Variants in MAGI2 observed in about 807,000 individuals in gnomAD.
MAGI2 encodes membrane-associated guanylate kinase, WW and PDZ domain-containing protein 2.
Under a neutral mutation model 133.3 loss-of-function variants are expected in MAGI2, and 35 were observed. The ratio of observed to expected loss-of-function variants is 0.26; its 90% CI spans 0.20 to 0.35. The LOEUF (loss-of-function observed/expected upper bound fraction) is 0.35. MAGI2 is among the 10% of genes least tolerant of loss of function. The pLI is 1.00. For missense variants in MAGI2, 1,636 were observed against 1,863.4 expected (o/e 0.88, Z 2.25); for synonymous variants, 729 against 710.6 (o/e 1.03, Z -0.41).
intron 1 of MAGI2, among the ~76,000 whole-genome samples, chr7:79,397,510 G>T (rs575367565): frequency 6.6e-6 from 1 of 151,736 alleles, no homozygotes; most frequent in African/African-American, 2.4e-5. Flanking sequence ...GGAGTTAATG[G>T]GTTACAAAAT....
intron 6 of MAGI2, among the ~76,000 whole-genome samples, chr7:78,428,427 T>C (rs1799488809): frequency 6.6e-6 from 1 of 152,200 alleles, no homozygotes; most frequent in Non-Finnish European, 1.5e-5. Flanking sequence ...GAATTGACCT[T>C]ATTATTAGCT....
rs546084169 is a variant in MAGI2, at chr7:78,418,679, C to A, written c.1046-49466G>T. Among the ~76,000 whole-genome samples the A allele has an allele frequency of 9.9e-5, 15 of 152,204 alleles. No homozygotes were observed. The South Asian group carries it at 1.0e-3, about 11-fold the overall frequency. Reference sequence around the variant, plus strand: ...CAGAACTAGATAGTGCTATGAAAACCAATCTCCTTCTTTAGGGAAGCTGAT... The same window carrying A: ...CAGAACTAGATAGTGCTATGAAAACAAATCTCCTTCTTTAGGGAAGCTGAT... On this transcript the variant is annotated intron_variant, in intron 6 of 21. Coordinates refer to ENST00000354212, the MANE Select transcript of MAGI2 (RefSeq NM_012301.4).
At chr7:79,294,756 A>G (rs371125040) in intron 1 of MAGI2, among the ~76,000 whole-genome samples, 3 of 106,062 alleles carry the variant, frequency 2.8e-5, no homozygotes, top group African/African-American at 7.0e-5. Flanking sequence ...CTGAGACGGA[A>G]TCTCACTCTG....
intron 2 of MAGI2, among the ~76,000 whole-genome samples, chr7:78,918,582 T>G (rs1487643158): frequency 1.3e-5 from 2 of 152,152 alleles, no homozygotes; most frequent in Non-Finnish European, 1.5e-5. Context: ...CATTTTGGCC[T>G]TAGATAAAAT....
Position 79,183,357 on chromosome 7 carries a change from T to G in MAGI2, c.302-176151A>C, listed in dbSNP as rs567927580. On this transcript the variant is annotated intron_variant, in intron 1 of 21. Transcript: ENST00000354212. ...ATAAAAAATACATTTAAATAAAATTTTAAAAGATATAAAACAGTATCATCA... is the reference window on the plus strand; with the variant it reads ...ATAAAAAATACATTTAAATAAAATTGTAAAAGATATAAAACAGTATCATCA... Among the ~76,000 whole-genome samples, 62 of 151,948 alleles carry G rather than the reference T, an allele frequency of 4.1e-4. 1 individual carries two copies. The South Asian group carries it at 7.5e-3, about 18-fold the overall frequency.
chr7:78,285,611 G>A (rs765630515), intron 9 of MAGI2: 2 of 152,114 alleles, frequency 1.3e-5, no homozygotes, highest in East Asian at 1.9e-4. Context: ...CTTGCCCATG[G>A]TCGCCAGAGT....
intron 2 of MAGI2, among the ~76,000 whole-genome samples, chr7:78,766,212 A>C (rs1825014180): frequency 6.6e-6 from 1 of 152,158 alleles, no homozygotes; most frequent in African/African-American, 2.4e-5. Flanking sequence ...ATCAATCCAA[A>C]GTTTTAGAAC....
chr7:78,936,635 AC>A (rs1800539470), intron 2 of MAGI2, among the ~76,000 whole-genome samples: 1 of 152,080 alleles, frequency 6.6e-6, no homozygotes, highest in Non-Finnish European at 1.5e-5. Context: ...ATGTAAACAT[AC>A]AAATTAAATT....
At chr7:78,565,942 C>CT (rs1403510906) in intron 3 of MAGI2, among the ~76,000 whole-genome samples, 1 of 152,164 alleles carries the variant, frequency 6.6e-6, no homozygotes, top group African/African-American at 2.4e-5. Context: ...TTAAACCTCC[C>CT]TGCCTCGGTT....
intron 1 of MAGI2, among the ~76,000 whole-genome samples, chr7:79,169,689 G>A (rs1562959240): frequency 6.6e-6 from 1 of 151,976 alleles, no homozygotes; most frequent in Non-Finnish European, 1.5e-5. Context: ...AAATGTACAT[G>A]GGTAGTTTAT....
chr7:78,815,127 T>C lies in MAGI2; in HGVS notation c.419-187888A>G, dbSNP rs1225485976. Among the ~76,000 whole-genome samples the C allele has an allele frequency of 2.0e-5, 3 of 152,278 alleles. No homozygotes were observed. In the East Asian group the frequency reaches 5.8e-4, roughly 29 times the overall value. On this transcript the variant is annotated intron_variant, in intron 2 of 21. Transcript: ENST00000354212. ...GTCTCCCACATTTCCAAAATATCTATGGCTAAATGGCATGAAAAAAGCTGT... is the reference window on the plus strand; with the variant it reads ...GTCTCCCACATTTCCAAAATATCTACGGCTAAATGGCATGAAAAAAGCTGT...
At chr7:79,043,542 CA>C (rs58828466) in intron 1 of MAGI2, among the ~76,000 whole-genome samples, 2,486 of 40,370 alleles carry the variant, frequency 0.062, 4 homozygotes, top group African/African-American at 0.14. Context: ...GACTCCATCA[CA>C]AAAAAAAAAA....
At chr7:78,273,982 C>A (rs775373683) in intron 9 of MAGI2, among the ~76,000 whole-genome samples, 1 of 152,038 alleles carries the variant, frequency 6.6e-6, no homozygotes, top group Admixed American at 6.6e-5. Flanking sequence ...CCCTTGCTGG[C>A]GAGGAGTTGT....
chr7:78,865,675 A>G (rs1303564331), intron 2 of MAGI2, among the ~76,000 whole-genome samples: 1 of 152,210 alleles, frequency 6.6e-6, no homozygotes, highest in African/African-American at 2.4e-5. Context: ...AAGTGCTCTA[A>G]TTGATGAGAA....
chr7:79,413,548 G>T (rs968370061), intron 1 of MAGI2: 1 of 152,126 alleles, frequency 6.6e-6, no homozygotes, highest in Non-Finnish European at 1.5e-5. Context: ...TGACTGCTGG[G>T]GACCCACCAC....
intron 2 of MAGI2, among the ~76,000 whole-genome samples, chr7:78,710,019 C>T (rs1158314961): frequency 1.3e-5 from 2 of 152,130 alleles, no homozygotes; most frequent in Non-Finnish European, 2.9e-5. Flanking sequence ...TTCTAAGTTA[C>T]TAACATATCC....
At chr7:78,124,675 T>C (rs999188023) in intron 20 of MAGI2, among the ~76,000 whole-genome samples, 3 of 151,754 alleles carry the variant, frequency 2.0e-5, no homozygotes, top group African/African-American at 7.3e-5. Flanking sequence ...ATTTTATTCA[T>C]ACACCGACAC....
chr7:79,216,135 C>T lies in MAGI2; in HGVS notation c.302-208929G>A, dbSNP rs376020559. On this transcript the variant is annotated intron_variant, in intron 1 of 21. Coordinates refer to ENST00000354212, the MANE Select transcript of MAGI2 (RefSeq NM_012301.4). ...CTCCATAAGCAGATGGGCAGGTGAA[C>T]AGAAGAGCAGAAGAGCAGCAGAGAA... Among the ~76,000 whole-genome samples, 89 of 151,902 alleles carry T rather than the reference C, an allele frequency of 5.9e-4. No individual in the cohort carries two copies. The South Asian group carries it at 0.011, about 20-fold the overall frequency.
intron 1 of MAGI2, among the ~76,000 whole-genome samples, chr7:79,292,465 A>C (rs1836560594): frequency 6.6e-6 from 1 of 151,436 alleles, no homozygotes; most frequent in South Asian, 2.1e-4. Flanking sequence ...CTACCAAAAA[A>C]AATAAAAAAA....
Sources: gnomAD v4.1 joint callset for allele counts (sites outside exome capture counted in the v4.1 genomes callset) on GRCh38, gnomAD v4.1.1 for gene constraint, MANE v1.5 for transcripts, NCBI Gene and HGNC (gene_info 2026-07-23, HGNC 2026-07-21) for gene names.